Variants in TMEM272 observed in about 807,000 individuals in gnomAD.
TMEM272 encodes transmembrane protein 272, also known as long intergenic non-protein coding RNA 282.
Under a neutral mutation model 3.7 loss-of-function variants are expected in TMEM272, and 8 were observed. The ratio of observed to expected loss-of-function variants is 2.17; its 90% CI spans 1.27 to 3.91. The LOEUF is 3.91. TMEM272 is among the 30% of genes most tolerant of loss of function. The pLI, the probability that TMEM272 is intolerant of heterozygous loss-of-function variation, is 0.00. For missense variants in TMEM272, 166 were observed against 91.5 expected, an observed-to-expected ratio of 1.81 and a Z score of -3.32; for synonymous variants, 63 against 39.8, an observed-to-expected ratio of 1.58 and a Z score of -2.20.
At chr13:51,817,820 C>G (rs1265806540) in intron 4 of TMEM272, among the ~76,000 whole-genome samples, 1 of 152,162 alleles carries the variant, frequency 6.6e-6, no homozygotes, top group East Asian at 1.9e-4. Context: ...ATCTGGGCCC[C>G]TGGTAGATGG....
the TMEM272 span, chr13:51,865,868 T>C: frequency 6.2e-7 from 1 of 1,613,466 alleles, no homozygotes; most frequent in Non-Finnish European, 8.5e-7. Flanking sequence ...AAAGGCCCTG[T>C]GGGTAGAGGA....
the TMEM272 span, chr13:51,865,478 C>T: frequency 5.6e-6 from 9 of 1,614,218 alleles, no homozygotes; most frequent in Non-Finnish European, 7.6e-6. Context: ...GGCATCCTCT[C>T]CCAGTATTCG....
At chr13:51,831,578 C>T (rs1225404466) in intron 2 of TMEM272, among the ~76,000 whole-genome samples, 1 of 152,202 alleles carries the variant, frequency 6.6e-6, no homozygotes, top group Non-Finnish European at 1.5e-5. Context: ...TGGAAATCAT[C>T]AGCAGTTACC....
At chr13:51,835,760 C>G (rs1367026428) in intron 2 of TMEM272, among the ~76,000 whole-genome samples, 4 of 152,298 alleles carry the variant, frequency 2.6e-5, no homozygotes, top group Non-Finnish European at 1.5e-5. Flanking sequence ...CAAACAAATA[C>G]AAAGAGTAAT....
chr13:51,927,840 C>A, the TMEM272 span, among the ~76,000 whole-genome samples: 3 of 152,182 alleles, frequency 2.0e-5, no homozygotes, highest in African/African-American at 4.8e-5. Context: ...GTGTGCCATG[C>A]ACCGTGCTAG....
intron 1 of TMEM272, among the ~76,000 whole-genome samples, chr13:51,842,659 A>T (rs147977084): frequency 2.0e-5 from 3 of 152,376 alleles, no homozygotes; most frequent in Non-Finnish European, 4.4e-5. Flanking sequence ...ATACATATGC[A>T]TATGTGCATG....
the TMEM272 span, among the ~76,000 whole-genome samples, chr13:51,917,946 A>T: frequency 7.2e-5 from 11 of 152,210 alleles, no homozygotes; most frequent in Admixed American, 5.9e-4. Flanking sequence ...GTTTATTGAG[A>T]GATTCATCCC....
At chr13:51,864,420 G>A in the TMEM272 span, among the ~76,000 whole-genome samples, 2 of 152,156 alleles carry the variant, frequency 1.3e-5, no homozygotes, top group Non-Finnish European at 2.9e-5. Context: ...CTCTTTCTGT[G>A]TTGAAGTATG....
At chr13:51,928,556 GC>G in the TMEM272 span, among the ~76,000 whole-genome samples, 1 of 152,182 alleles carries the variant, frequency 6.6e-6, no homozygotes, top group African/African-American at 2.4e-5. Context: ...TGTTGAGATC[GC>G]CTGTGACCAC....
the TMEM272 span, among the ~76,000 whole-genome samples, chr13:51,883,343 G>C: frequency 6.6e-6 from 1 of 152,194 alleles, no homozygotes; most frequent in Non-Finnish European, 1.5e-5. Flanking sequence ...TCAGGTTCTT[G>C]TCCTGTGACC....
intron 2 of TMEM272, among the ~76,000 whole-genome samples, chr13:51,835,144 T>C (rs1956204277): frequency 6.6e-6 from 1 of 152,152 alleles, no homozygotes; most frequent in African/African-American, 2.4e-5. Context: ...CACATGTGGA[T>C]AGGGACAGCA....
rs1009604366 is a variant in TMEM272 at position 51,822,129 on chromosome 13, A to C, written c.127T>G (p.Phe43Val). The C allele has an allele frequency of 4.3e-6, 3 of 698,440 alleles. No homozygotes were observed. Among genetic ancestry groups the C allele is most frequent in the Non-Finnish European group, 7.8e-6 (3 of 383,808 alleles). The allele number at this position is 698,440 out of a possible 1,614,324, so 43.3% of individuals were successfully genotyped here. The part of the protein sequence containing the change: ...PLSMTFIGMK[F>V]LEDCPIQPLI... ...GGCTGTATAGGGCAGTCCTCCAAAA[A>C]TTTCATTCCTACATAGGGCAAACAG... The change falls in exon 4 of 5, where the codon TTT becomes GTT. Residue 43 changes from phenylalanine (F) to valine (V), a missense_variant. Coordinates refer to ENST00000629372, the MANE Select transcript of TMEM272 (RefSeq NM_001351003.2).
chr13:51,869,791 A>G, the TMEM272 span, among the ~76,000 whole-genome samples: 2 of 152,148 alleles, frequency 1.3e-5, no homozygotes, highest in African/African-American at 2.4e-5. Context: ...CCTGGCCTCA[A>G]TTCAGTAATT....
At chr13:51,928,326 C>A in the TMEM272 span, among the ~76,000 whole-genome samples, 2 of 152,178 alleles carry the variant, frequency 1.3e-5, no homozygotes, top group African/African-American at 4.8e-5. Flanking sequence ...TTAACAGCAA[C>A]GATGACAACA....
chr13:51,894,955 C>T, the TMEM272 span, among the ~76,000 whole-genome samples: 1 of 151,870 alleles, frequency 6.6e-6, no homozygotes, highest in Non-Finnish European at 1.5e-5. Flanking sequence ...GTGTTAGATT[C>T]TCATAAGGAG....
chr13:51,850,198 C>T, the TMEM272 span, among the ~76,000 whole-genome samples: 1 of 152,170 alleles, frequency 6.6e-6, no homozygotes, highest in Non-Finnish European at 1.5e-5. Context: ...CATTCTACTG[C>T]TATTATCAAC....
chr13:51,910,393 CT>C, the TMEM272 span: 1 of 1,053,964 alleles, frequency 9.5e-7, no homozygotes, highest in African/African-American at 1.6e-5. Flanking sequence ...ATAGCAAGCT[CT>C]TTCTCTCTTC....
chr13:51,918,697 C>T, the TMEM272 span, among the ~76,000 whole-genome samples: 8 of 152,074 alleles, frequency 5.3e-5, no homozygotes, highest in Admixed American at 5.2e-4. Context: ...GCAATCACAG[C>T]TCACTGAAGC....
upstream of TMEM272, among the ~76,000 whole-genome samples, chr13:51,848,167 G>A (rs1181689207): frequency 2.6e-5 from 4 of 152,212 alleles, no homozygotes; most frequent in East Asian, 7.7e-4. Context: ...GTAACCCAGA[G>A]ATTAGCAACT....
Sources: allele counts gnomAD v4.1 joint callset (sites outside exome capture counted in the v4.1 genomes callset), GRCh38; gene constraint gnomAD v4.1.1; transcripts MANE v1.5; gene names NCBI Gene and HGNC (gene_info 2026-07-23, HGNC 2026-07-21).